AUTS2: variants seen among roughly 807,000 people sequenced by gnomAD.
AUTS2 encodes activator of transcription and developmental regulator AUTS2.
AUTS2 carries 17 observed loss-of-function variants against 112.4 expected under a neutral mutation model. That is an observed-to-expected ratio of 0.15 (90% CI 0.10 to 0.23). AUTS2 has a LOEUF of 0.23. AUTS2 is among the 10% of genes least tolerant of loss of function. AUTS2 has a pLI of 1.00. For synonymous variants in AUTS2, 751 were observed against 702.7 expected, an observed-to-expected ratio of 1.07 and a Z score of -1.09; for missense variants, 1,510 against 1,701.6, an observed-to-expected ratio of 0.89 and a Z score of 1.98.
Position 69,598,746 on chromosome 7 carries a change from T to A in AUTS2, c.-908T>A, listed in dbSNP as rs1223432408. The A allele has an allele frequency of 6.5e-6, 1 of 153,236 alleles. No homozygotes were observed. Among genetic ancestry groups the A allele is most frequent in the African/African-American group, 2.4e-5 (1 of 41,366 alleles). 9.5% of individuals were successfully genotyped at this position (153,236 alleles called of 1,614,324 possible). A position where few individuals can be genotyped will look rare whatever the true frequency, so the allele number is the denominator to read the frequency against. On this transcript the variant is annotated 5_prime_UTR_variant, in exon 1 of 19. Transcript: ENST00000342771. ...CCTTTTTTGAGGAAGGGTGACCTCTTCTCTGGGACTGGAAAAAATATTTTT... is the reference window on the plus strand; with the variant it reads ...CCTTTTTTGAGGAAGGGTGACCTCTACTCTGGGACTGGAAAAAATATTTTT...
chr7:69,602,831 A>G (rs1792506654), intron 1 of AUTS2, among the ~76,000 whole-genome samples: 1 of 152,250 alleles, frequency 6.6e-6, no homozygotes, highest in Non-Finnish European at 1.5e-5. Flanking sequence ...GGCAAAAGGT[A>G]GTTTTGTTGG....
At chr7:69,978,229 AAC>A (rs1798139276) in intron 2 of AUTS2, among the ~76,000 whole-genome samples, 1 of 152,344 alleles carries the variant, frequency 6.6e-6, no homozygotes, top group Non-Finnish European at 1.5e-5. Flanking sequence ...TATTATCACT[AAC>A]ACATACATTT....
intron 6 of AUTS2, among the ~76,000 whole-genome samples, chr7:70,704,947 C>T (rs1478875971): frequency 1.3e-5 from 2 of 152,212 alleles, no homozygotes; most frequent in African/African-American, 4.8e-5. Flanking sequence ...TAAGCGCCTA[C>T]AGATGTCAAC....
At chr7:70,190,136 C>A (rs1039468891) in intron 4 of AUTS2, among the ~76,000 whole-genome samples, 1 of 152,200 alleles carries the variant, frequency 6.6e-6, no homozygotes, top group Non-Finnish European at 1.5e-5. Context: ...TATTGCCCTT[C>A]TAGCTTGGCA....
chr7:70,007,051 T>C (rs1799576055), intron 2 of AUTS2, among the ~76,000 whole-genome samples: 1 of 152,160 alleles, frequency 6.6e-6, no homozygotes, highest in Non-Finnish European at 1.5e-5. Context: ...GGGCTGTTTA[T>C]CCTTAATTAC....
intron 1 of AUTS2, among the ~76,000 whole-genome samples, chr7:69,623,666 A>G (rs1206291738): frequency 6.6e-6 from 1 of 152,144 alleles, no homozygotes; most frequent in Non-Finnish European, 1.5e-5. Flanking sequence ...GATGGTTTAC[A>G]ATAATTTATT....
chr7:69,605,420 G>T (rs750501982), intron 1 of AUTS2, among the ~76,000 whole-genome samples: 2 of 152,210 alleles, frequency 1.3e-5, no homozygotes, highest in Non-Finnish European at 2.9e-5. Context: ...CCACCAGGAG[G>T]TGAATATTGG....
intron 1 of AUTS2, among the ~76,000 whole-genome samples, chr7:69,778,958 G>A (rs1446178271): frequency 6.9e-6 from 1 of 145,542 alleles, no homozygotes; most frequent in Non-Finnish European, 1.5e-5. Flanking sequence ...TTTGAAAAAT[G>A]ACTTTGCCAT....
chr7:69,606,199 T>A (rs1583926636), intron 1 of AUTS2, among the ~76,000 whole-genome samples: 1 of 152,160 alleles, frequency 6.6e-6, no homozygotes, highest in East Asian at 1.9e-4. Flanking sequence ...ATTCAAGGAG[T>A]GTTGAGGGTG....
At chr7:70,281,975 A>ATG (rs1788237802) in intron 4 of AUTS2, among the ~76,000 whole-genome samples, 1 of 152,228 alleles carries the variant, frequency 6.6e-6, no homozygotes, top group Non-Finnish European at 1.5e-5. Flanking sequence ...CAAAGAGCAT[A>ATG]ACATGCATTG....
chr7:70,462,414 T>C (rs1245417816), intron 5 of AUTS2, among the ~76,000 whole-genome samples: 1 of 152,180 alleles, frequency 6.6e-6, no homozygotes, highest in Non-Finnish European at 1.5e-5. Context: ...AGTACAGTGT[T>C]AATAAAGTCA....
chr7:69,822,494 G>A lies in AUTS2; in HGVS notation c.310-76792G>A, dbSNP rs117976955. ...TGATTCAAGCCTGCCTGCCTGCAAA[G>A]CCTGTACCCTTTTTGCTCTAGATTC... On this transcript the variant is annotated intron_variant, in intron 1 of 18. Transcript: ENST00000342771. Among the ~76,000 whole-genome samples the A allele has an allele frequency of 5.7e-4, 87 of 152,302 alleles. 1 individual carries two copies. The East Asian group carries it at 0.015, about 26-fold the overall frequency.
At chr7:70,335,354 C>T (rs1790940804) in intron 4 of AUTS2, among the ~76,000 whole-genome samples, 1 of 152,174 alleles carries the variant, frequency 6.6e-6, no homozygotes, top group Admixed American at 6.5e-5. Context: ...TTTCCTCTCC[C>T]TACTCTTGTC....
intron 1 of AUTS2, among the ~76,000 whole-genome samples, chr7:69,764,259 C>T (rs1227860142): frequency 2.0e-5 from 3 of 152,248 alleles, no homozygotes; most frequent in Admixed American, 6.5e-5. Context: ...CATGAAGTGG[C>T]AGGAACATGA....
chr7:70,241,573 C>G (rs1188155294), intron 4 of AUTS2, among the ~76,000 whole-genome samples: 1 of 152,186 alleles, frequency 6.6e-6, no homozygotes, highest in East Asian at 1.9e-4. Context: ...TTTCTCCATT[C>G]CTTCATCCCT....
intron 5 of AUTS2, among the ~76,000 whole-genome samples, chr7:70,525,018 G>C (rs1020907039): frequency 6.6e-6 from 1 of 152,162 alleles, no homozygotes. Context: ...CCTCTTGGTC[G>C]GTCCTGCTTG....
intron 1 of AUTS2, among the ~76,000 whole-genome samples, chr7:69,794,470 C>T (rs182913830): frequency 3.3e-5 from 5 of 152,290 alleles, no homozygotes; most frequent in African/African-American, 1.2e-4. Flanking sequence ...TGTGTTCTTG[C>T]AGCTGCATTC....
Position 70,250,900 on chromosome 7 carries a change from C to CT in AUTS2, c.660+116330dup, listed in dbSNP as rs200193598. ...TGGTAGGAGGGAGAGGATCAAAAAACTATCAGGTACTATGCTTATTACCCA... is the reference window on the plus strand; with the variant it reads ...TGGTAGGAGGGAGAGGATCAAAAAACTTATCAGGTACTATGCTTATTACCCA... On this transcript the variant is annotated intron_variant, in intron 4 of 18. Coordinates refer to ENST00000342771, the MANE Select transcript of AUTS2 (RefSeq NM_015570.4). Among the ~76,000 whole-genome samples, 651 of 152,204 alleles carry CT rather than the reference C, an allele frequency of 4.3e-3. 6 individuals are homozygous for CT. Among genetic ancestry groups the CT allele is most frequent in the African/African-American group, 0.015 (619 of 41,524 alleles).
Position 70,150,185 on chromosome 7 carries a change from C to A in AUTS2, c.660+15614C>A, listed in dbSNP as rs558828499. ...CATTTAAATGGTTAGAGATTCAATT[C>A]TTTTCTGTGAATTTTAGGAATATTT... is the stretch of plus-strand genomic sequence containing the variant. On this transcript the variant is annotated intron_variant, in intron 4 of 18. Coordinates refer to ENST00000342771, the MANE Select transcript of AUTS2 (RefSeq NM_015570.4). 2.0e-5 allele frequency among the ~76,000 whole-genome samples: 3 copies of A among 152,130 alleles called. No individual in the cohort carries two copies. The East Asian group carries it at 5.8e-4, about 29-fold the overall frequency.
Sources: allele counts gnomAD v4.1 joint callset (sites outside exome capture counted in the v4.1 genomes callset), GRCh38; gene constraint gnomAD v4.1.1; transcripts MANE v1.5; gene names NCBI Gene and HGNC (gene_info 2026-07-23, HGNC 2026-07-21).